Variants in DCLK2 observed in about 807,000 individuals in gnomAD.
DCLK2 encodes doublecortin like kinase 2, also known as serine/threonine-protein kinase DCLK2.
DCLK2 carries 31 observed loss-of-function variants against 78.4 expected under a neutral mutation model. The observed-to-expected ratio is 0.40, with a 90% CI of 0.30 to 0.53. The LOEUF (loss-of-function observed/expected upper bound fraction) is 0.53. DCLK2 is among the 20% of genes least tolerant of loss of function. DCLK2 has a pLI of 0.61. For synonymous variants in DCLK2, 407 were observed against 374.9 expected, an observed-to-expected ratio of 1.09 and a Z score of -0.99; for missense variants, 872 against 973.7, an observed-to-expected ratio of 0.90 and a Z score of 1.39.
chr4:150,078,495 T>C lies in DCLK2; in HGVS notation c.-533T>C, dbSNP rs1395093032. The C allele has an allele frequency of 6.6e-6, 1 of 150,720 alleles. No homozygotes were observed. The highest frequency in any genetic ancestry group is 1.5e-5 in the Non-Finnish European group (1 of 67,804). The allele number at this position is 150,720 out of a possible 1,614,324, so 9.3% of individuals were successfully genotyped here. The stretch of plus-strand genomic sequence containing the variant: ...GGCGCGCGCTGCCCGGCGGGCGGGA[T>C]CCGGGCGCGGCCGAGGCGGCGGCGC... On this transcript the variant is annotated 5_prime_UTR_variant, in exon 1 of 16. Transcript: ENST00000296550.
chr4:150,182,440 T>G (rs1418187950), intron 2 of DCLK2, among the ~76,000 whole-genome samples: 1 of 152,164 alleles, frequency 6.6e-6, no homozygotes, highest in Non-Finnish European at 1.5e-5. Flanking sequence ...TAACGTTAGT[T>G]ACAATGTAGT....
intron 2 of DCLK2, among the ~76,000 whole-genome samples, chr4:150,104,701 A>G (rs1392698139): frequency 6.6e-6 from 1 of 152,042 alleles, no homozygotes; most frequent in Non-Finnish European, 1.5e-5. Context: ...AGATGTTGCA[A>G]AGGCCTTTGA....
chr4:150,137,309 C>T (rs1733765278), intron 2 of DCLK2, among the ~76,000 whole-genome samples: 1 of 152,188 alleles, frequency 6.6e-6, no homozygotes, highest in Non-Finnish European at 1.5e-5. Context: ...CAGGCCTTCT[C>T]ATGGTAAAGG....
intron 2 of DCLK2, among the ~76,000 whole-genome samples, chr4:150,141,492 A>G (rs1734098168): frequency 6.6e-6 from 1 of 152,112 alleles, no homozygotes; most frequent in South Asian, 2.1e-4. Flanking sequence ...TGAGATGGAA[A>G]CCATTCCAAA....
intron 2 of DCLK2, among the ~76,000 whole-genome samples, chr4:150,184,272 A>G (rs534669317): frequency 6.6e-6 from 1 of 152,332 alleles, no homozygotes; most frequent in African/African-American, 2.4e-5. Context: ...TTCTTTGAGG[A>G]CATGCAAAGC....
At chr4:150,089,575 A>G (rs1378143303) in intron 1 of DCLK2, among the ~76,000 whole-genome samples, 6 of 152,244 alleles carry the variant, frequency 3.9e-5, no homozygotes, top group Non-Finnish European at 8.8e-5. Context: ...ATTAAAAACA[A>G]TATAAAAATC....
rs115208942 is a variant in DCLK2, at chr4:150,119,161, C to T, written c.756+16349C>T. Among the ~76,000 whole-genome samples the T allele has an allele frequency of 7.0e-3, 1,068 of 152,008 alleles. 9 individuals are homozygous for T. The highest frequency in any genetic ancestry group is 0.024 in the African/African-American group (1,013 of 41,458). ...CATGTATCCTGGAGTTCTTTCTTAC[C>T]GTACTCTTCCATGTTGTTGTATCAT... On this transcript the variant is annotated intron_variant, in intron 2 of 15. Coordinates refer to ENST00000296550, the MANE Select transcript of DCLK2 (RefSeq NM_001040260.4).
chr4:150,090,559 C>G (rs753317159), intron 1 of DCLK2, among the ~76,000 whole-genome samples: 1 of 152,198 alleles, frequency 6.6e-6, no homozygotes, highest in Non-Finnish European at 1.5e-5. Context: ...CTGGTTCCAT[C>G]CTACCCAGGA....
intron 4 of DCLK2, chr4:150,198,919 CCCA>C: frequency 1.6e-6 from 1 of 617,452 alleles, no homozygotes; most frequent in South Asian, 2.2e-5. Context: ...CACCCCCCCC[CCCA>C]CTTTCTGTAG....
intron 4 of DCLK2, among the ~76,000 whole-genome samples, chr4:150,201,006 C>T (rs940037064): frequency 5.9e-5 from 9 of 151,888 alleles, no homozygotes; most frequent in African/African-American, 1.5e-4. Flanking sequence ...TTAGTGGAGA[C>T]GAGGTTTCGC....
Position 150,203,831 on chromosome 4 carries a change from A to T in DCLK2, c.998A>T (p.Lys333Ile). 1 of 1,613,930 alleles carries T rather than the reference A, an allele frequency of 6.2e-7. No homozygotes were observed. Among genetic ancestry groups the T allele is most frequent in the Non-Finnish European group, 8.5e-7 (1 of 1,179,940 alleles). The part of the protein sequence containing the change: ...GTPSSQLSTP[K>I]STKSSSSSPT... ...CCCAGCAGCCAACTTTCTACTCCTA[A>T]ATCTACGAAATCCTCCAGTTCCTCT... The change falls in exon 5 of 16, where the codon AAA (lysine) becomes ATA (isoleucine). Residue 333 changes from lysine (K) to isoleucine (I), a missense_variant. Lys to Ile is a moderately radical substitution (Grantham distance 102, BLOSUM62 -3). This residue lies in a region of DCLK2 where 567 missense variants were observed against 593.4 expected (regional missense o/e 0.96). Transcript: ENST00000296550.
At chr4:150,085,199 A>G (rs140763902) in intron 1 of DCLK2, among the ~76,000 whole-genome samples, 6 of 152,238 alleles carry the variant, frequency 3.9e-5, no homozygotes, top group African/African-American at 9.6e-5. Flanking sequence ...TTCTACTACT[A>G]CATTCTACCA....
chr4:150,102,667 G>C lies in DCLK2; in HGVS notation c.611G>C (p.Ser204Thr), dbSNP rs776801902. ...IKPKLVTVIRSGVKPRKAVRI... is the reference protein window; with the variant it reads ...IKPKLVTVIRTGVKPRKAVRI... ...CCCAAGTTAGTGACTGTGATTCGAA[G>C]TGGAGTGAAGCCTAGAAAAGCCGTG... The change falls in exon 2 of 16, where the codon AGT (serine) becomes ACT (threonine). Residue 204 changes from serine (S) to threonine (T), a missense_variant. Transcript: ENST00000296550. 6.2e-7 allele frequency: 1 copy of C among 1,614,048 alleles called. No individual in the cohort carries two copies. Among genetic ancestry groups the C allele is most frequent in the Non-Finnish European group, 8.5e-7 (1 of 1,180,028 alleles).
At chr4:150,178,292 A>G (rs1470067046) in intron 2 of DCLK2, among the ~76,000 whole-genome samples, 1 of 152,210 alleles carries the variant, frequency 6.6e-6, no homozygotes, top group African/African-American at 2.4e-5. Context: ...TCAGTTGTAC[A>G]TATGTTAGCA....
chr4:150,088,832 G>A (rs1343976410), intron 1 of DCLK2, among the ~76,000 whole-genome samples: 1 of 152,156 alleles, frequency 6.6e-6, no homozygotes, highest in East Asian at 1.9e-4. Context: ...GCCCCTTTCA[G>A]CTCTGATAAA....
At chr4:150,089,225 C>T (rs994369626) in intron 1 of DCLK2, among the ~76,000 whole-genome samples, 5 of 152,148 alleles carry the variant, frequency 3.3e-5, no homozygotes, top group Non-Finnish European at 7.3e-5. Flanking sequence ...TTATCACTTG[C>T]ACTGAAACTT....
intron 2 of DCLK2, among the ~76,000 whole-genome samples, chr4:150,172,101 G>T (rs1248107506): frequency 6.6e-6 from 1 of 152,124 alleles, no homozygotes; most frequent in African/African-American, 2.4e-5. Context: ...CTTTGTACAC[G>T]GTAGTTATTG....
rs189131583 is a variant in DCLK2 at position 150,153,434 on chromosome 4, A to G, written c.757-39704A>G. ...AAACTTTTTTTTTTGGAGGTAGGGG[A>G]CAGGGTCTTGCTCTGTCATCTAGGC... On this transcript the variant is annotated intron_variant, in intron 2 of 15. Transcript: ENST00000296550. 2.3e-3 allele frequency among the ~76,000 whole-genome samples: 342 copies of G among 151,878 alleles called. 3 individuals carry two copies. The highest frequency in any genetic ancestry group is 0.01 in the Middle Eastern group (3 of 294).
chr4:150,084,022 A>G (rs910399593), intron 1 of DCLK2, among the ~76,000 whole-genome samples: 3 of 152,216 alleles, frequency 2.0e-5, no homozygotes, highest in Non-Finnish European at 4.4e-5. Context: ...TGGTGATGAC[A>G]TGGGGCAGGA....
Sources: allele counts gnomAD v4.1 joint callset (sites outside exome capture counted in the v4.1 genomes callset), GRCh38; gene constraint gnomAD v4.1.1; regional missense constraint gnomAD v4.1.1; transcripts MANE v1.5; gene names NCBI Gene and HGNC (gene_info 2026-07-23, HGNC 2026-07-21).